STPG2: variants seen among roughly 807,000 people sequenced by gnomAD.
The protein encoded by STPG2 is sperm-tail PG-rich repeat-containing protein 2.
Under a neutral mutation model 54.2 loss-of-function variants are expected in STPG2, and 56 were observed. The ratio of observed to expected loss-of-function variants is 1.03; its 90% CI spans 0.83 to 1.29. STPG2 has a LOEUF of 1.29. Among genes scored for constraint, STPG2 ranks in the 50% most tolerant of loss-of-function variants. The pLI is 0.00. For missense variants in STPG2, 596 were observed against 544.9 expected, an observed-to-expected ratio of 1.09 and a Z score of -0.93; for synonymous variants, 200 against 181.8, an observed-to-expected ratio of 1.10 and a Z score of -0.81.
chr4:97,636,775 T>C (rs936528344), intron 10 of STPG2, among the ~76,000 whole-genome samples: 10 of 152,240 alleles, frequency 6.6e-5, no homozygotes, highest in Non-Finnish European at 1.0e-4. Flanking sequence ...ACATACACTC[T>C]CCCAAGACTA....
At chr4:97,891,095 G>A (rs1223113332) in intron 8 of STPG2, among the ~76,000 whole-genome samples, 6 of 152,020 alleles carry the variant, frequency 3.9e-5, no homozygotes, top group South Asian at 2.1e-4. Flanking sequence ...CAGAACAGGG[G>A]TTGCCTGATT....
intron 8 of STPG2, among the ~76,000 whole-genome samples, chr4:97,909,188 T>C (rs1159553877): frequency 6.6e-6 from 1 of 151,800 alleles, no homozygotes; most frequent in Non-Finnish European, 1.5e-5. Flanking sequence ...TTGTTAATTA[T>C]ATATCCTAGA....
At chr4:97,842,683 T>A (rs1728837743) in intron 8 of STPG2, among the ~76,000 whole-genome samples, 1 of 151,896 alleles carries the variant, frequency 6.6e-6, no homozygotes. Context: ...AGAAACTGCA[T>A]CAGTGATCAG....
At chr4:97,658,081 A>C (rs2148958967) in intron 10 of STPG2, among the ~76,000 whole-genome samples, 1 of 152,304 alleles carries the variant, frequency 6.6e-6, no homozygotes, top group Non-Finnish European at 1.5e-5. Flanking sequence ...ATTTTTCTAA[A>C]ATGTCCAGAT....
chr4:97,898,200 G>A (rs924110665), intron 8 of STPG2, among the ~76,000 whole-genome samples: 7 of 152,074 alleles, frequency 4.6e-5, no homozygotes, highest in East Asian at 1.9e-4. Flanking sequence ...CTTTGTCAAA[G>A]ATCAGATGGT....
intron 4 of STPG2, among the ~76,000 whole-genome samples, chr4:97,508,635 A>G (rs17026736): frequency 0.15 from 23,120 of 152,082 alleles, 5,063 homozygotes; most frequent in African/African-American, 0.49. Flanking sequence ...ATAGTTTATT[A>G]TTCACCATTT....
At chr4:97,616,081 TA>T in intron 10 of STPG2, among the ~76,000 whole-genome samples, 1 of 83,042 alleles carries the variant, frequency 1.2e-5, no homozygotes, top group Admixed American at 1.5e-4. Flanking sequence ...TATATATATA[TA>T]TATATATATA....
intron 9 of STPG2, among the ~76,000 whole-genome samples, chr4:97,764,499 A>G (rs1725983520): frequency 6.6e-6 from 1 of 152,174 alleles, no homozygotes; most frequent in South Asian, 2.1e-4. Flanking sequence ...AAAGGATACA[A>G]GGCTGGAAAG....
chr4:97,858,713 T>C (rs1030733052), intron 8 of STPG2, among the ~76,000 whole-genome samples: 2 of 152,198 alleles, frequency 1.3e-5, no homozygotes, highest in African/African-American at 4.8e-5. Flanking sequence ...TCCAGGTTGC[T>C]GTGAATGCCA....
chr4:97,921,753 G>A (rs1036013381), intron 8 of STPG2, among the ~76,000 whole-genome samples: 3 of 152,130 alleles, frequency 2.0e-5, no homozygotes, highest in Non-Finnish European at 2.9e-5. Flanking sequence ...ATCTGGAGTA[G>A]AAAATGAACA....
chr4:97,784,410 A>G (rs1726758674), intron 9 of STPG2, among the ~76,000 whole-genome samples: 2 of 152,042 alleles, frequency 1.3e-5, no homozygotes, highest in African/African-American at 4.8e-5. Flanking sequence ...ACATTTCACT[A>G]TTAGAGATCT....
chr4:97,914,315 C>G (rs1402733503), intron 8 of STPG2, among the ~76,000 whole-genome samples: 2 of 152,030 alleles, frequency 1.3e-5, no homozygotes, highest in East Asian at 3.9e-4. Context: ...GGTCCACCAT[C>G]ACTGTAAAAA....
At chr4:98,116,896 C>A (rs1400296515) in intron 3 of STPG2, among the ~76,000 whole-genome samples, 1 of 151,962 alleles carries the variant, frequency 6.6e-6, no homozygotes, top group Non-Finnish European at 1.5e-5. Context: ...ATCCATTAGT[C>A]TTAAAATATC....
At chr4:97,903,407 A>C (rs943879180) in intron 8 of STPG2, among the ~76,000 whole-genome samples, 2 of 152,116 alleles carry the variant, frequency 1.3e-5, no homozygotes, top group Non-Finnish European at 2.9e-5. Context: ...AAATTAAAAA[A>C]TGGCCAAAAA....
chr4:97,834,896 C>A (rs1460418794), intron 9 of STPG2, among the ~76,000 whole-genome samples: 1 of 151,978 alleles, frequency 6.6e-6, no homozygotes, highest in Non-Finnish European at 1.5e-5. Context: ...AATATTATTG[C>A]CCCTGTTCAG....
Position 97,722,290 on chromosome 4 carries a change from G to C in STPG2, c.1205-9476C>G, listed in dbSNP as rs568149442. 1.9e-4 allele frequency among the ~76,000 whole-genome samples: 29 copies of C among 151,688 alleles called. No homozygotes were observed. The South Asian group carries it at 6.0e-3, about 32-fold the overall frequency. On this transcript the variant is annotated intron_variant, in intron 9 of 10. Coordinates refer to ENST00000295268, the MANE Select transcript of STPG2 (RefSeq NM_174952.3). ...AAGAGCCCTCACTCATGTAATATTT[G>C]CTTAAGCCTGGAGGGGAAATGGTGA...
chr4:97,460,761 C>T (rs1188537173), intron 4 of STPG2, among the ~76,000 whole-genome samples: 2 of 152,218 alleles, frequency 1.3e-5, no homozygotes, highest in Admixed American at 6.5e-5. Context: ...CCAGTCACAA[C>T]TCCCATATGC....
intron 4 of STPG2, among the ~76,000 whole-genome samples, chr4:97,491,867 G>A (rs1730510596): frequency 1.3e-5 from 2 of 151,524 alleles, no homozygotes; most frequent in Admixed American, 1.3e-4. Flanking sequence ...GAACTCTTGA[G>A]TGGCAGTGAT....
chr4:97,816,673 C>G (rs1727921233), intron 9 of STPG2, among the ~76,000 whole-genome samples: 1 of 152,028 alleles, frequency 6.6e-6, no homozygotes, highest in African/African-American at 2.4e-5. Context: ...AACAAAAAGG[C>G]AGAGAAAGGG....
Sources: allele counts gnomAD v4.1 joint callset (sites outside exome capture counted in the v4.1 genomes callset), GRCh38; gene constraint gnomAD v4.1.1; transcripts MANE v1.5; gene names NCBI Gene and HGNC (gene_info 2026-07-23, HGNC 2026-07-21).